VRK2: variants seen among roughly 807,000 people sequenced by gnomAD.
VRK2 encodes the protein serine/threonine-protein kinase VRK2.
VRK2 carries 60 observed loss-of-function variants against 57.6 expected under a neutral mutation model. The observed-to-expected ratio is 1.04, with a 90% CI of 0.85 to 1.29. The LOEUF is 1.29. Ranked by LOEUF, VRK2 falls within the 50% of genes most tolerant of loss-of-function variation. The pLI is 0.00. For synonymous variants in VRK2, 231 were observed against 199.2 expected, an observed-to-expected ratio of 1.16 and a Z score of -1.35; for missense variants, 705 against 588.1, an observed-to-expected ratio of 1.20 and a Z score of -2.06.
At chr2:57,909,412 A>T (rs1669918845) in intron 1 of VRK2, among the ~76,000 whole-genome samples, 1 of 152,064 alleles carries the variant, frequency 6.6e-6, no homozygotes, top group African/African-American at 2.4e-5. Context: ...ATAAGTGATG[A>T]TTTACACTTG....
chr2:57,912,426 T>G (rs1304118361), intron 1 of VRK2, among the ~76,000 whole-genome samples: 4 of 149,468 alleles, frequency 2.7e-5, no homozygotes, highest in African/African-American at 9.8e-5. Context: ...CAGGAAGAAG[T>G]TTTTTTTTTC....
intron 3 of VRK2, among the ~76,000 whole-genome samples, chr2:58,040,750 C>T (rs1158964240): frequency 6.6e-6 from 1 of 152,150 alleles, no homozygotes; most frequent in East Asian, 1.9e-4. Flanking sequence ...TATGTGTCAA[C>T]AGTAGATACC....
At chr2:57,946,558 G>C (rs1671267330) in intron 1 of VRK2, among the ~76,000 whole-genome samples, 1 of 151,962 alleles carries the variant, frequency 6.6e-6, no homozygotes, top group Non-Finnish European at 1.5e-5. Context: ...ACAAGAGAAA[G>C]AAATTACACT....
At chr2:58,043,777 A>G (rs763055419), upstream of VRK2, among the ~76,000 whole-genome samples, 1 of 152,326 alleles carries the variant, frequency 6.6e-6, no homozygotes, top group East Asian at 1.9e-4. Flanking sequence ...TATGTTAATT[A>G]TATGTTTGAC....
intron 1 of VRK2, among the ~76,000 whole-genome samples, chr2:57,934,464 A>T (rs537835293): frequency 6.6e-6 from 1 of 152,306 alleles, no homozygotes; most frequent in East Asian, 1.9e-4. Flanking sequence ...TTTCCCCAGT[A>T]CGTAACTAGC....
chr2:58,135,944 A>C (rs1191841414), intron 10 of VRK2, among the ~76,000 whole-genome samples: 2 of 152,208 alleles, frequency 1.3e-5, no homozygotes, highest in African/African-American at 4.8e-5. Context: ...GAGACAGATA[A>C]TCAGAGTGAA....
At chr2:57,939,109 T>C (rs1201743869) in intron 1 of VRK2, among the ~76,000 whole-genome samples, 1 of 152,150 alleles carries the variant, frequency 6.6e-6, no homozygotes, top group Non-Finnish European at 1.5e-5. Context: ...AAGGAAGCAA[T>C]CTAGGTCCAA....
chr2:58,093,797 G>C lies in VRK2; in HGVS notation c.543+4074G>C, dbSNP rs1672725961. Among the ~76,000 whole-genome samples the C allele has an allele frequency of 2.0e-5, 3 of 152,068 alleles. No individual in the cohort carries two copies. In the South Asian group the frequency reaches 6.2e-4, roughly 32 times the overall value. On this transcript the variant is annotated intron_variant, in intron 7 of 12. Coordinates refer to ENST00000340157, the MANE Select transcript of VRK2 (RefSeq NM_006296.7). Reference sequence around the variant, plus strand: ...TTCTTCTAGGGTTTTTATGGTTTTAGGTCTAACATTTAAGTCTTTAATCCA... The same window carrying C: ...TTCTTCTAGGGTTTTTATGGTTTTACGTCTAACATTTAAGTCTTTAATCCA...
At chr2:58,159,285 A>G (rs1202368122) in intron 12 of VRK2, 64 bp from the exon 13 acceptor site, 2 of 1,309,262 alleles carry the variant, frequency 1.5e-6, no homozygotes, top group African/African-American at 3.0e-5. Context: ...TACACACTAC[A>G]CAAAATAAAT....
At chr2:58,155,586 T>C (rs531291704) in intron 12 of VRK2, among the ~76,000 whole-genome samples, 13 of 152,210 alleles carry the variant, frequency 8.5e-5, no homozygotes, top group Non-Finnish European at 1.6e-4. Flanking sequence ...CCCAGTGGGA[T>C]AGGGTATCAC....
chr2:58,073,644 A>ATT (rs1669655843), intron 2 of VRK2, among the ~76,000 whole-genome samples: 3 of 107,870 alleles, frequency 2.8e-5, no homozygotes, highest in African/African-American at 1.2e-4. Context: ...GATTATATAT[A>ATT]TATATATATT....
At chr2:57,954,452 C>T (rs1671519926) in intron 1 of VRK2, among the ~76,000 whole-genome samples, 1 of 152,106 alleles carries the variant, frequency 6.6e-6, no homozygotes. Context: ...CTCAATTCAA[C>T]ATGTTGTTTC....
At chr2:58,085,052 T>G (rs1162965611) in intron 4 of VRK2, 102 bp downstream of exon 4, 1 of 1,060,506 alleles carries the variant, frequency 9.4e-7, no homozygotes, top group African/African-American at 1.6e-5. Context: ...TTCTTTTCAA[T>G]AGAAATTTTA....
At chr2:58,039,230 A>G (rs1290446068) in intron 3 of VRK2, among the ~76,000 whole-genome samples, 2 of 152,056 alleles carry the variant, frequency 1.3e-5, no homozygotes, top group African/African-American at 4.8e-5. Context: ...CCAAGAAACA[A>G]CTCTCCTGCA....
At chr2:57,957,173 G>A (rs1671612670) in intron 1 of VRK2, among the ~76,000 whole-genome samples, 1 of 152,236 alleles carries the variant, frequency 6.6e-6, no homozygotes, top group African/African-American at 2.4e-5. Context: ...TAGAACAAAA[G>A]CTATAGTCTA....
At chr2:58,050,325 CAT>C (rs1026933242) in intron 2 of VRK2, among the ~76,000 whole-genome samples, 1 of 152,168 alleles carries the variant, frequency 6.6e-6, no homozygotes, top group Non-Finnish European at 1.5e-5. Flanking sequence ...CCATGTGGCT[CAT>C]ATGCTCAGTA....
chr2:58,065,545 T>G (rs1189709765), intron 2 of VRK2, among the ~76,000 whole-genome samples: 1 of 152,166 alleles, frequency 6.6e-6, no homozygotes, highest in African/African-American at 2.4e-5. Flanking sequence ...GGTAGTGTGA[T>G]TCCTTCAACT....
At chr2:57,915,971 C>A (rs561446519) in intron 1 of VRK2, among the ~76,000 whole-genome samples, 1 of 152,082 alleles carries the variant, frequency 6.6e-6, no homozygotes, top group Non-Finnish European at 1.5e-5. Context: ...ACAGTTTCAT[C>A]CCAAAACCAC....
chr2:58,146,081 A>T (rs557228723), intron 11 of VRK2, among the ~76,000 whole-genome samples: 30 of 152,016 alleles, frequency 2.0e-4, no homozygotes, highest in Non-Finnish European at 3.8e-4. Flanking sequence ...CGTAAGAAAC[A>T]TACGTGTGCA....
Sources: allele counts gnomAD v4.1 joint callset (sites outside exome capture counted in the v4.1 genomes callset), GRCh38; gene constraint gnomAD v4.1.1; transcripts MANE v1.5; gene names NCBI Gene and HGNC (gene_info 2026-07-23, HGNC 2026-07-21).